PCDH15: variants seen among roughly 807,000 people sequenced by gnomAD.
PCDH15 encodes protocadherin-15.
A neutral mutation model predicts 178.5 loss-of-function variants in PCDH15; 129 were observed. The ratio of observed to expected loss-of-function variants is 0.72; its 90% CI spans 0.63 to 0.84. The LOEUF (loss-of-function observed/expected upper bound fraction) is 0.84, where lower values mean the gene tolerates loss of function less well. Ranked by LOEUF, PCDH15 falls within the 40% of genes least tolerant of loss-of-function variation. PCDH15 has a pLI of 0.00. For missense variants in PCDH15, 2,230 were observed against 2,099.9 expected (o/e 1.06, Z -1.21); for synonymous variants, 800 against 732.0 (o/e 1.09, Z -1.50).
chr10:55,488,604 A>T (rs1006585909), intron 2 of PCDH15, among the ~76,000 whole-genome samples: 1 of 151,594 alleles, frequency 6.6e-6, no homozygotes, highest in Non-Finnish European at 1.5e-5. Context: ...TAAATTACAT[A>T]TATACCCCAA....
chr10:53,865,500 C>G (rs2079385620), intron 27 of PCDH15, among the ~76,000 whole-genome samples: 1 of 151,970 alleles, frequency 6.6e-6, no homozygotes. Context: ...GCAAGGTAAG[C>G]CAAGAACAGA....
chr10:55,584,050 T>C (rs535944257), intron 2 of PCDH15, among the ~76,000 whole-genome samples: 1 of 151,768 alleles, frequency 6.6e-6, no homozygotes, highest in Non-Finnish European at 1.5e-5. Flanking sequence ...GCTAATTTTT[T>C]AAAAAATATA....
intron 2 of PCDH15, among the ~76,000 whole-genome samples, chr10:54,901,628 T>C (rs1444237088): frequency 6.6e-6 from 1 of 152,192 alleles, no homozygotes; most frequent in South Asian, 2.1e-4. Context: ...ATGTAGTCAA[T>C]GTAATTTACC....
At chr10:55,273,276 T>C (rs72803834) in intron 1 of PCDH15, among the ~76,000 whole-genome samples, 45 of 152,246 alleles carry the variant, frequency 3.0e-4, no homozygotes, top group Non-Finnish European at 5.3e-4. Context: ...AAATTCTGGG[T>C]AATATGATTC....
intron 13 of PCDH15, among the ~76,000 whole-genome samples, chr10:54,155,902 C>T (rs566506239): frequency 1.3e-5 from 2 of 151,898 alleles, no homozygotes; most frequent in East Asian, 1.9e-4. Flanking sequence ...AATTTTGGAG[C>T]TAACCTATGG....
At chr10:54,625,217 C>G (rs1267419266) in intron 2 of PCDH15, among the ~76,000 whole-genome samples, 2 of 152,134 alleles carry the variant, frequency 1.3e-5, no homozygotes, top group South Asian at 4.2e-4. Flanking sequence ...GAAATAGAGG[C>G]CCTATCTTTC....
chr10:54,341,783 G>A lies in PCDH15; in HGVS notation c.594+4582C>T, dbSNP rs147751982. Among the ~76,000 whole-genome samples the A allele has an allele frequency of 1.0e-3, 152 of 152,294 alleles. No homozygotes were observed. In the East Asian group the frequency reaches 0.024, roughly 24 times the overall value. ...GGCTGAGGTGGTCTCAGATGGAGGT[G>A]AGGAACTTATTGGGAACTGGAGCAA... On this transcript the variant is annotated intron_variant, in intron 6 of 37. Transcript: ENST00000644397.
chr10:54,114,993 T>C (rs747077124), intron 15 of PCDH15, among the ~76,000 whole-genome samples: 4 of 150,794 alleles, frequency 2.7e-5, no homozygotes, highest in Non-Finnish European at 4.5e-5. Context: ...TTTTAAAAAG[T>C]ATTATTCTGT....
intron 23 of PCDH15, among the ~76,000 whole-genome samples, chr10:53,950,223 TTC>T (rs1305788752): frequency 1.3e-5 from 2 of 151,980 alleles, no homozygotes; most frequent in African/African-American, 2.4e-5. Context: ...TTATAGTATA[TTC>T]TCTGAGTTTA....
At chr10:54,293,375 C>G (rs2059547745) in intron 8 of PCDH15, among the ~76,000 whole-genome samples, 1 of 152,090 alleles carries the variant, frequency 6.6e-6, no homozygotes, top group African/African-American at 2.4e-5. Flanking sequence ...GAGAGGAAAA[C>G]CTAGGCAATA....
chr10:54,853,304 T>C (rs1404794723), intron 3 of PCDH15, among the ~76,000 whole-genome samples: 2 of 124,188 alleles, frequency 1.6e-5, no homozygotes, highest in Non-Finnish European at 3.2e-5. Context: ...TATATATATA[T>C]ATATATATAT....
chr10:54,222,857 A>G (rs987060670), intron 9 of PCDH15, among the ~76,000 whole-genome samples: 9 of 152,200 alleles, frequency 5.9e-5, no homozygotes, highest in Admixed American at 3.3e-4. Context: ...ATATTCCCCA[A>G]ACAAGTCACT....
At chr10:55,627,935 C>G (rs377323815) in exon 1 of PCDH15, 1 of 152,516 alleles carries the variant, frequency 6.6e-6, no homozygotes, top group Non-Finnish European at 1.5e-5. Flanking sequence ...TTTGCTCCTC[C>G]TGATAGCGCC....
intron 2 of PCDH15, among the ~76,000 whole-genome samples, chr10:55,409,678 A>G (rs1285923782): frequency 6.6e-6 from 1 of 152,164 alleles, no homozygotes; most frequent in Non-Finnish European, 1.5e-5. Context: ...AAAAATAGAA[A>G]AGAAAAATCT....
chr10:55,159,794 A>G (rs1412556432), intron 2 of PCDH15, among the ~76,000 whole-genome samples: 1 of 148,390 alleles, frequency 6.7e-6, no homozygotes, highest in East Asian at 1.9e-4. Context: ...AGATATATAT[A>G]AAGATATAAT....
At chr10:54,825,012 A>G (rs1213886316) in intron 3 of PCDH15, among the ~76,000 whole-genome samples, 1 of 151,948 alleles carries the variant, frequency 6.6e-6, no homozygotes, top group African/African-American at 2.4e-5. Flanking sequence ...TCCCAATGCT[A>G]TCCCTCCCCC....
intron 18 of PCDH15, among the ~76,000 whole-genome samples, chr10:54,058,922 G>A (rs1044642784): frequency 5.9e-5 from 9 of 151,948 alleles, no homozygotes; most frequent in South Asian, 2.1e-4. Flanking sequence ...TCAAACTCCC[G>A]ACCTCAGATG....
chr10:54,412,045 T>C (rs1953609000), intron 3 of PCDH15, among the ~76,000 whole-genome samples: 2 of 152,082 alleles, frequency 1.3e-5, no homozygotes, highest in South Asian at 2.1e-4. Flanking sequence ...AGAAGGCAAA[T>C]TCTAGGATGG....
At chr10:54,577,152 G>A (rs568536443) in intron 2 of PCDH15, among the ~76,000 whole-genome samples, 3 of 151,794 alleles carry the variant, frequency 2.0e-5, no homozygotes, top group Admixed American at 6.6e-5. Flanking sequence ...ACGCGATCTC[G>A]GCTCACTGCA....
Sources: gnomAD v4.1 joint callset for allele counts (sites outside exome capture counted in the v4.1 genomes callset) on GRCh38, gnomAD v4.1.1 for gene constraint, MANE v1.5 for transcripts, NCBI Gene and HGNC (gene_info 2026-07-23, HGNC 2026-07-21) for gene names.